Variants in KATNIP observed in about 807,000 individuals in gnomAD.
KATNIP encodes katanin interacting protein.
KATNIP carries 126 observed loss-of-function variants against 174.0 expected under a neutral mutation model. That is an observed-to-expected ratio of 0.72 (90% confidence interval 0.63 to 0.84). The LOEUF (loss-of-function observed/expected upper bound fraction) is 0.84. Ranked by LOEUF, KATNIP falls within the 40% of genes least tolerant of loss-of-function variation. The pLI, the probability that KATNIP is intolerant of heterozygous loss-of-function variation, is 0.00. For missense variants in KATNIP, 1,958 were observed against 2,109.7 expected, an observed-to-expected ratio of 0.93 and a Z score of 1.41; for synonymous variants, 810 against 835.7, an observed-to-expected ratio of 0.97 and a Z score of 0.53.
At chr16:27,676,140 C>G (rs1370726141) in intron 6 of KATNIP, among the ~76,000 whole-genome samples, 1 of 152,184 alleles carries the variant, frequency 6.6e-6, no homozygotes, top group Non-Finnish European at 1.5e-5. Context: ...TTTCCTCTCA[C>G]ATTTTACTTT....
intron 5 of KATNIP, among the ~76,000 whole-genome samples, chr16:27,634,179 A>G (rs1244022657): frequency 6.6e-6 from 1 of 152,164 alleles, no homozygotes; most frequent in Non-Finnish European, 1.5e-5. Flanking sequence ...CATCCTCCTC[A>G]GTCTCTCCTT....
intron 1 of KATNIP, among the ~76,000 whole-genome samples, chr16:27,572,530 G>A (rs913376795): frequency 2.0e-5 from 3 of 152,082 alleles, no homozygotes; most frequent in Non-Finnish European, 2.9e-5. Context: ...CACGGAGATA[G>A]CCCTGCCCTG....
intron 8 of KATNIP, among the ~76,000 whole-genome samples, chr16:27,683,718 A>T (rs1451397521): frequency 6.6e-6 from 1 of 152,090 alleles, no homozygotes; most frequent in African/African-American, 2.4e-5. Flanking sequence ...GTATGGGGCG[A>T]GATAAAGGCC....
chr16:27,757,648 C>A, intron 18 of KATNIP: 1 of 386,530 alleles, frequency 2.6e-6, no homozygotes, highest in Non-Finnish European at 3.5e-6. Context: ...AGTAGGAAGG[C>A]AGAAGAGCCT....
chr16:27,639,755 A>G (rs867116751), intron 5 of KATNIP, among the ~76,000 whole-genome samples: 1 of 152,036 alleles, frequency 6.6e-6, no homozygotes, highest in Non-Finnish European at 1.5e-5. Context: ...GAGTTCTGAA[A>G]CCCTTGCAGT....
intron 2 of KATNIP, among the ~76,000 whole-genome samples, chr16:27,579,965 G>T (rs141486623): frequency 6.6e-6 from 1 of 151,908 alleles, no homozygotes; most frequent in African/African-American, 2.4e-5. Flanking sequence ...AGGTCTGAGG[G>T]GAACACAGCA....
At chr16:27,719,375 A>G (rs897749361) in intron 13 of KATNIP, among the ~76,000 whole-genome samples, 1 of 152,012 alleles carries the variant, frequency 6.6e-6, no homozygotes, top group Non-Finnish European at 1.5e-5. Context: ...TCCCCCCTCC[A>G]CCACCACCTT....
intron 15 of KATNIP, among the ~76,000 whole-genome samples, chr16:27,743,460 G>A (rs77766330): frequency 6.6e-6 from 1 of 152,230 alleles, no homozygotes; most frequent in Non-Finnish European, 1.5e-5. Context: ...AATTTTTGCT[G>A]CTCACCCCTT....
In KATNIP at chr16:27,681,319, G is replaced by A. The variant is rs559029197; in HGVS notation, c.809-80G>A. 3.2e-6 allele frequency: 5 copies of A among 1,540,632 alleles called. No homozygotes were observed. In the African/African-American group the frequency reaches 6.8e-5, roughly 21 times the overall value. On this transcript the variant is annotated intron_variant, in intron 7 of 27. Coordinates refer to ENST00000261588, the MANE Select transcript of KATNIP (RefSeq NM_015202.5). The stretch of plus-strand genomic sequence containing the variant: ...ACATTTGTTGAATGAGTAAGTGAAT[G>A]AATGATGAACAAATGCCTGAACAGA...
chr16:27,581,706 T>G (rs1028259674), intron 2 of KATNIP, among the ~76,000 whole-genome samples: 2 of 152,174 alleles, frequency 1.3e-5, no homozygotes, highest in Non-Finnish European at 2.9e-5. Flanking sequence ...CAGTATACAC[T>G]ACACCTAATT....
chr16:27,609,915 T>G (rs913849823), intron 2 of KATNIP, among the ~76,000 whole-genome samples: 5 of 152,032 alleles, frequency 3.3e-5, no homozygotes, highest in African/African-American at 1.2e-4. Flanking sequence ...GGTTAAGTCT[T>G]GAAGGAGGAA....
chr16:27,629,039 GC>G (rs1434631481), intron 4 of KATNIP, among the ~76,000 whole-genome samples: 1 of 151,932 alleles, frequency 6.6e-6, no homozygotes, highest in Admixed American at 6.6e-5. Context: ...ATGATGGCAT[GC>G]ACCTGTAGTC....
At chr16:27,761,648 T>G in intron 19 of KATNIP, 58 bp downstream of exon 19, 3 of 1,435,654 alleles carry the variant, frequency 2.1e-6, no homozygotes, top group Non-Finnish European at 2.9e-6. Flanking sequence ...GACATTGTTC[T>G]GCCTCTGAGA....
intron 5 of KATNIP, 41 bp from the exon 6 acceptor site, chr16:27,648,563 C>T: frequency 8.7e-6 from 14 of 1,610,644 alleles, no homozygotes; most frequent in Non-Finnish European, 1.2e-5. Flanking sequence ...GAATGAAGAC[C>T]TCATTCCACC....
intron 6 of KATNIP, among the ~76,000 whole-genome samples, chr16:27,654,981 G>A (rs531406997): frequency 6.6e-6 from 1 of 151,488 alleles, no homozygotes; most frequent in Non-Finnish European, 1.5e-5. Flanking sequence ...TTTTTAAAAT[G>A]TGCAGGGTGT....
chr16:27,663,409 C>A (rs1006614866), intron 6 of KATNIP, among the ~76,000 whole-genome samples: 5 of 151,436 alleles, frequency 3.3e-5, no homozygotes, highest in Non-Finnish European at 5.9e-5. Flanking sequence ...GTAATACTTT[C>A]ATTGTCATTT....
chr16:27,670,878 G>A (rs896006747), intron 6 of KATNIP, among the ~76,000 whole-genome samples: 1 of 152,190 alleles, frequency 6.6e-6, no homozygotes, highest in African/African-American at 2.4e-5. Context: ...TGGAAAGGCT[G>A]TCAGAGAGAT....
intron 1 of KATNIP, among the ~76,000 whole-genome samples, chr16:27,571,789 G>A (rs560731535): frequency 2.0e-5 from 3 of 152,332 alleles, no homozygotes; most frequent in African/African-American, 7.2e-5. Context: ...TCTGCATGAT[G>A]AGGCCTGACT....
intron 3 of KATNIP, among the ~76,000 whole-genome samples, chr16:27,622,373 C>T (rs764483404): frequency 6.6e-6 from 1 of 152,162 alleles, no homozygotes; most frequent in Non-Finnish European, 1.5e-5. Flanking sequence ...CCTGCAGAAA[C>T]CCTGCCAGCT....
Sources: gnomAD v4.1 joint callset for allele counts (sites outside exome capture counted in the v4.1 genomes callset) on GRCh38, gnomAD v4.1.1 for gene constraint, MANE v1.5 for transcripts, NCBI Gene and HGNC (gene_info 2026-07-23, HGNC 2026-07-21) for gene names.